The following PLPPR1 variants were observed in gnomAD, a reference collection of about 807,000 sequenced individuals.
PLPPR1 encodes phospholipid phosphatase related 1, also known as phospholipid phosphatase-related protein type 1.
A neutral mutation model predicts 33.1 loss-of-function variants in PLPPR1; 10 were observed. That is an observed-to-expected ratio of 0.30 (90% CI 0.19 to 0.51). The LOEUF (loss-of-function observed/expected upper bound fraction) is 0.51, where lower values mean the gene tolerates loss of function less well. Among genes scored for constraint, PLPPR1 ranks in the 20% least tolerant of loss-of-function variants. The pLI is 0.97. For missense variants in PLPPR1, 304 were observed against 408.1 expected, an observed-to-expected ratio of 0.74 and a Z score of 2.20; for synonymous variants, 151 against 151.0, an observed-to-expected ratio of 1.00 and a Z score of 0.00.
chr9:101,317,638 C>A, intron 7 of PLPPR1, 142 bp downstream of exon 7: 1 of 841,768 alleles, frequency 1.2e-6, no homozygotes, highest in Middle Eastern at 2.4e-4. Flanking sequence ...CAAAAGGCAG[C>A]CTTCACTTTT....
At chr9:101,239,518 GA>G (rs1012933442) in intron 2 of PLPPR1, among the ~76,000 whole-genome samples, 2 of 151,806 alleles carry the variant, frequency 1.3e-5, no homozygotes, top group African/African-American at 4.8e-5. Flanking sequence ...AATAACAGTT[GA>G]AAAAATAAGA....
In PLPPR1 at chr9:101,315,628, T is replaced by A. The variant is rs12344986; in HGVS notation, c.814-1737T>A. ...CAATTGATGTCAAAATTTGTTTGCC[T>A]ACAAATGGCCTTTACGTAAGACCCA... On this transcript the variant is annotated intron_variant, in intron 6 of 7. Coordinates refer to ENST00000374874, the MANE Select transcript of PLPPR1 (RefSeq NM_207299.2). Among the ~76,000 whole-genome samples the A allele has an allele frequency of 4.9e-3, 739 of 152,314 alleles. 10 individuals carry two copies. Among genetic ancestry groups the A allele is most frequent in the African/African-American group, 0.017 (706 of 41,568 alleles).
intron 1 of PLPPR1, among the ~76,000 whole-genome samples, chr9:101,121,573 T>C (rs1323341931): frequency 1.3e-5 from 2 of 152,052 alleles, no homozygotes; most frequent in Non-Finnish European, 2.9e-5. Flanking sequence ...TCAAGGAGTA[T>C]TTTTTTTGTC....
chr9:101,115,750 C>T (rs1347969613), intron 1 of PLPPR1, among the ~76,000 whole-genome samples: 1 of 152,126 alleles, frequency 6.6e-6, no homozygotes, highest in Admixed American at 6.5e-5. Context: ...TTCTTGCTTT[C>T]TTTATACTCA....
At chr9:101,275,450 A>G (rs116691282) in intron 3 of PLPPR1, among the ~76,000 whole-genome samples, 1,970 of 152,352 alleles carry the variant, frequency 0.013, 32 homozygotes, top group African/African-American at 0.042. Flanking sequence ...TAAATCGCAA[A>G]AGGCCAAGGC....
At chr9:101,273,741 CT>C in intron 3 of PLPPR1, among the ~76,000 whole-genome samples, 1 of 152,134 alleles carries the variant, frequency 6.6e-6, no homozygotes, top group Non-Finnish European at 1.5e-5. Flanking sequence ...TTCATTTATA[CT>C]TTTATATATT....
At chr9:101,074,548 A>G (rs1207739525) in intron 1 of PLPPR1, among the ~76,000 whole-genome samples, 1 of 152,112 alleles carries the variant, frequency 6.6e-6, no homozygotes, top group African/African-American at 2.4e-5. Context: ...CTCTGAGAAA[A>G]TGGGGCAGTG....
chr9:101,161,713 A>AT (rs1380848589), intron 1 of PLPPR1, among the ~76,000 whole-genome samples: 2 of 152,072 alleles, frequency 1.3e-5, no homozygotes, highest in African/African-American at 4.8e-5. Context: ...TTATAAGGGG[A>AT]TTTTCCCATA....
intron 1 of PLPPR1, among the ~76,000 whole-genome samples, chr9:101,033,981 TA>T (rs1204046569): frequency 6.6e-6 from 1 of 152,014 alleles, no homozygotes; most frequent in Non-Finnish European, 1.5e-5. Flanking sequence ...TGGTGACCAT[TA>T]GGAAAGCAAT....
At chr9:101,064,982 G>A (rs1181211051) in intron 1 of PLPPR1, among the ~76,000 whole-genome samples, 3 of 151,962 alleles carry the variant, frequency 2.0e-5, no homozygotes, top group African/African-American at 7.3e-5. Flanking sequence ...ACCTCCCAAA[G>A]GTCCTGCCTC....
chr9:101,099,823 T>A (rs997272109), intron 1 of PLPPR1, among the ~76,000 whole-genome samples: 79 of 152,216 alleles, frequency 5.2e-4, no homozygotes, highest in African/African-American at 1.7e-3. Flanking sequence ...ACTAAATAAA[T>A]ATGGCTCACC....
intron 1 of PLPPR1, among the ~76,000 whole-genome samples, chr9:101,171,319 C>T (rs888962042): frequency 1.3e-5 from 2 of 152,088 alleles, no homozygotes; most frequent in Non-Finnish European, 2.9e-5. Flanking sequence ...TGGAATTACC[C>T]CTGGGTCTAA....
At chr9:101,029,302 G>A (rs948420646) in intron 1 of PLPPR1, among the ~76,000 whole-genome samples, 200 bp downstream of exon 1, 2 of 152,222 alleles carry the variant, frequency 1.3e-5, no homozygotes, top group East Asian at 3.9e-4. Flanking sequence ...CCTGCGAGGT[G>A]TCAGATTGAC....
At chr9:101,041,337 C>T (rs1427626031) in intron 1 of PLPPR1, among the ~76,000 whole-genome samples, 1 of 152,074 alleles carries the variant, frequency 6.6e-6, no homozygotes, top group Admixed American at 6.6e-5. Context: ...AAGTGGTACC[C>T]ATAGAAATAC....
At chr9:101,078,096 GAGAAGGAGAAGAAGAAGAAGAAGA>G (rs1830562891) in intron 1 of PLPPR1, among the ~76,000 whole-genome samples, 5 of 54,922 alleles carry the variant, frequency 9.1e-5, no homozygotes, top group Admixed American at 4.6e-4. Context: ...GGAGGAGAAG[GAGAAGGAGAAGAAGAAGAAGAAGA>G]AGAAGAAGAA....
rs573837948 is a variant in PLPPR1, at chr9:101,153,835, G to A, written c.-45-31615G>A. 3.4e-4 allele frequency among the ~76,000 whole-genome samples: 52 copies of A among 151,592 alleles called. 1 individual carries two copies. The highest frequency in any genetic ancestry group is 3.4e-3 in the Middle Eastern group (1 of 294). ...CCTGACCTCGTGATCCGCCCACCTC[G>A]GCCTCCCAAAGTGCTGGGACTACAG... On this transcript the variant is annotated intron_variant, in intron 1 of 7. Transcript: ENST00000374874.
At chr9:101,043,431 A>G (rs879103437) in intron 1 of PLPPR1, among the ~76,000 whole-genome samples, 4 of 151,514 alleles carry the variant, frequency 2.6e-5, no homozygotes, top group Admixed American at 2.0e-4. Context: ...ATACATATGT[A>G]TATATGTATA....
intron 4 of PLPPR1, among the ~76,000 whole-genome samples, chr9:101,296,625 A>AATG (rs1358788761): frequency 6.6e-6 from 1 of 151,598 alleles, no homozygotes; most frequent in African/African-American, 2.4e-5. Context: ...AGCCATAAAA[A>AATG]ATGAGTTCAT....
intron 1 of PLPPR1, among the ~76,000 whole-genome samples, chr9:101,090,351 TC>T (rs1179365890): frequency 6.6e-6 from 1 of 151,948 alleles, no homozygotes; most frequent in African/African-American, 2.4e-5. Flanking sequence ...TGTATAAGAG[TC>T]CTTATTTCCC....
Sources: gnomAD v4.1 joint callset for allele counts (sites outside exome capture counted in the v4.1 genomes callset) on GRCh38, gnomAD v4.1.1 for gene constraint, MANE v1.5 for transcripts, NCBI Gene and HGNC (gene_info 2026-07-23, HGNC 2026-07-21) for gene names.